Variants in ZMYND8 observed in about 807,000 individuals in gnomAD.
The protein encoded by ZMYND8 is MYND-type zinc finger-containing chromatin reader ZMYND8.
Under a neutral mutation model 140.8 loss-of-function variants are expected in ZMYND8, and 37 were observed. That is an observed-to-expected ratio of 0.26 (90% CI 0.20 to 0.35). The LOEUF is 0.35. Ranked by LOEUF, ZMYND8 falls within the 10% of genes least tolerant of loss-of-function variation. The pLI, the probability that ZMYND8 is intolerant of heterozygous loss-of-function variation, is 1.00. For missense variants in ZMYND8, 1,068 were observed against 1,570.0 expected, an observed-to-expected ratio of 0.68 and a Z score of 5.40; for synonymous variants, 592 against 597.1, an observed-to-expected ratio of 0.99 and a Z score of 0.12.
rs1401288831 is a variant in ZMYND8 at position 47,246,113 on chromosome 20, A to T, written c.2179T>A (p.Ser727Thr). The T allele has an allele frequency of 6.2e-7, 1 of 1,614,186 alleles. No homozygotes were observed. The highest frequency in any genetic ancestry group is 1.1e-5 in the South Asian group (1 of 91,082). ...ATGACAAGTTCGCTCTCTGAATCAG[A>T]GTCCAGGCCCAAATGGACTGTTGGG... ...DSPTVHLGLD[S>T]DSESELVIDL... Residue 727 changes from serine to threonine, a missense_variant, in exon 14 of 23, where the codon TCT becomes ACT. By Grantham distance (58) the Ser-to-Thr change is moderately conservative (BLOSUM62 1). Coordinates refer to ENST00000471951, the MANE Select transcript of ZMYND8 (RefSeq NM_001281775.3).
In ZMYND8 at chr20:47,291,902, G is replaced by C; in HGVS notation, c.568-14C>G. The C allele has an allele frequency of 4.4e-6, 7 of 1,605,308 alleles. No homozygotes were observed. Among genetic ancestry groups the C allele is most frequent in the Non-Finnish European group, 6.0e-6 (7 of 1,175,050 alleles). Reference sequence around the variant, plus strand: ...GAATGCATCTGTCTATAAAAGAGAAGATATGCAGAGGAACGAACCCATCAT... The same window carrying C: ...GAATGCATCTGTCTATAAAAGAGAACATATGCAGAGGAACGAACCCATCAT... On this transcript the variant is annotated splice_polypyrimidine_tract_variant and intron_variant, in intron 5 of 22. Transcript: ENST00000471951.
chr20:47,256,779 C>T (rs1266805725), intron 12 of ZMYND8, among the ~76,000 whole-genome samples: 3 of 152,072 alleles, frequency 2.0e-5, no homozygotes, highest in Admixed American at 1.3e-4. Flanking sequence ...TCCAAGATAC[C>T]GCTTTATGCA....
rs1291241898 is a variant in ZMYND8, at chr20:47,276,486, C to T, written c.1308G>A (p.Leu436=). ...AAATCCGGCGGCCTGTGCCCCCACT[C>T]AGCACAGGCTTGCTCATCAGGATCT... ...SPKILMSKPV[L]SGGTGRRISL... Residue 436 remains leucine, a synonymous_variant, in exon 11 of 23, where the codon CTG becomes CTA. Coordinates refer to ENST00000471951, the MANE Select transcript of ZMYND8 (RefSeq NM_001281775.3). The T allele has an allele frequency of 6.2e-7, 1 of 1,614,088 alleles. No individual in the cohort carries two copies. The highest frequency in any genetic ancestry group is 8.5e-7 in the Non-Finnish European group (1 of 1,180,016).
intron 2 of ZMYND8, chr20:47,318,681 G>T (rs1006149232): frequency 2.4e-5 from 11 of 456,196 alleles, no homozygotes; most frequent in African/African-American, 1.8e-4. Context: ...GGACCGGTCT[G>T]CACCCTGGCT....
Position 47,224,560 on chromosome 20 carries a change from G to A in ZMYND8, c.3017-4C>T, listed in dbSNP as rs772343798. 2 of 1,612,620 alleles carry A rather than the reference G, an allele frequency of 1.2e-6. No homozygotes were observed. The highest frequency in any genetic ancestry group is 3.3e-5 in the Admixed American group (2 of 60,030). ...CGCATCTCCGCCATGGTCAGCTCTG[G>A]TGGAGGAGGGGAAGAACACCGCTCA... is the stretch of plus-strand genomic sequence containing the variant. On this transcript the variant is annotated splice_polypyrimidine_tract_variant and splice_region_variant and intron_variant, in intron 18 of 22. Coordinates refer to ENST00000471951, the MANE Select transcript of ZMYND8 (RefSeq NM_001281775.3).
At position 47,246,292 on chromosome 20, in the gene ZMYND8, T is replaced by C; in HGVS notation, c.2000A>G (p.Glu667Gly). The change falls in exon 14 of 23, where the codon GAG becomes GGG. Residue 667 changes from glutamate to glycine, a missense_variant. Transcript: ENST00000471951. ...KPTNPVEIKE[E>G]LKSTSPASEK... is the part of the protein sequence containing the mutation. ...GCTGGCTGGTGACGTGCTTTTCAGC[T>C]CCTCTTTAATCTCCACTGGGTTTGT... 3 of 1,614,200 alleles carry C rather than the reference T, an allele frequency of 1.9e-6. No individual in the cohort carries two copies. Among genetic ancestry groups the C allele is most frequent in the South Asian group, 2.2e-5 (2 of 91,086 alleles).
intron 9 of ZMYND8, 86 bp from the exon 10 acceptor site, chr20:47,282,303 G>T: frequency 1.8e-6 from 2 of 1,134,380 alleles, no homozygotes; most frequent in Non-Finnish European, 2.6e-6. Flanking sequence ...GATGAAGCAG[G>T]ACTGTGGGAC....
chr20:47,229,919 T>C (rs1019740386), intron 16 of ZMYND8, 113 bp from the exon 17 acceptor site: 3 of 886,796 alleles, frequency 3.4e-6, no homozygotes, highest in African/African-American at 1.7e-5. Context: ...TAGGGCAATT[T>C]TGTCCCGCAT....
chr20:47,224,717 TA>T (rs1440890617), intron 18 of ZMYND8, among the ~76,000 whole-genome samples, 161 bp from the exon 19 acceptor site: 1 of 152,194 alleles, frequency 6.6e-6, no homozygotes, highest in African/African-American at 2.4e-5. Context: ...TCTTCATCTG[TA>T]AATAGGGCAT....
chr20:47,309,337 C>T (rs1422424156), intron 3 of ZMYND8, among the ~76,000 whole-genome samples: 8 of 151,660 alleles, frequency 5.3e-5, no homozygotes, highest in African/African-American at 1.9e-4. Flanking sequence ...GATAGAGTCT[C>T]GCTCTGTCAC....
At chr20:47,246,655 G>T in intron 13 of ZMYND8, 138 bp from the exon 14 acceptor site, 1 of 1,261,362 alleles carries the variant, frequency 7.9e-7, no homozygotes, top group Non-Finnish European at 1.1e-6. Context: ...CCTAAATGGG[G>T]CCAGTAATAA....
chr20:47,260,814 G>GC (rs1569023745), intron 12 of ZMYND8, among the ~76,000 whole-genome samples: 2 of 152,202 alleles, frequency 1.3e-5, no homozygotes, highest in African/African-American at 4.8e-5. Flanking sequence ...CTCTACAAGA[G>GC]CAGGTCCTTA....
At chr20:47,240,231 T>C (rs112225852) in intron 14 of ZMYND8, among the ~76,000 whole-genome samples, 2,493 of 126,572 alleles carry the variant, frequency 0.02, 67 homozygotes, top group African/African-American at 0.071. Flanking sequence ...ATATTACTAA[T>C]AGGCCGGGCG....
intron 4 of ZMYND8, 53 bp from the exon 5 acceptor site, chr20:47,294,832 T>C: frequency 2.0e-6 from 3 of 1,497,610 alleles, no homozygotes; most frequent in Non-Finnish European, 2.8e-6. Flanking sequence ...GAAATTACCA[T>C]CCATGTACTG....
chr20:47,309,197 A>C (rs1264162730), intron 3 of ZMYND8, among the ~76,000 whole-genome samples: 4 of 152,174 alleles, frequency 2.6e-5, no homozygotes, highest in Non-Finnish European at 4.4e-5. Flanking sequence ...GCTAGCTGCC[A>C]AGGGAGGGTG....
intron 6 of ZMYND8, among the ~76,000 whole-genome samples, chr20:47,291,466 T>A (rs952457300): frequency 6.6e-6 from 1 of 152,164 alleles, no homozygotes; most frequent in Non-Finnish European, 1.5e-5. Flanking sequence ...CTGCTCTCAT[T>A]AGCACCTCCG....
chr20:47,228,373 T>C (rs770404164), intron 17 of ZMYND8, among the ~76,000 whole-genome samples: 6 of 152,194 alleles, frequency 3.9e-5, no homozygotes, highest in Non-Finnish European at 7.3e-5. Context: ...TCACATTTCA[T>C]TGCAGAAATG....
chr20:47,250,843 A>G (rs879407430), intron 12 of ZMYND8, among the ~76,000 whole-genome samples: 3 of 152,180 alleles, frequency 2.0e-5, no homozygotes, highest in African/African-American at 4.8e-5. Flanking sequence ...ACTTAATTTT[A>G]TCAGCCCCCA....
intron 6 of ZMYND8, among the ~76,000 whole-genome samples, chr20:47,290,583 G>GTTTTTTTT (rs71183240): frequency 9.4e-5 from 6 of 64,078 alleles, no homozygotes; most frequent in Admixed American, 2.2e-4. Context: ...TATTTATTTA[G>GTTTTTTTT]TTTTTTTTTT....
Sources: allele counts gnomAD v4.1 joint callset (sites outside exome capture counted in the v4.1 genomes callset), GRCh38; gene constraint gnomAD v4.1.1; transcripts MANE v1.5; gene names NCBI Gene and HGNC (gene_info 2026-07-23, HGNC 2026-07-21).